The following ESYT2 variants were observed in gnomAD, a reference collection of about 807,000 sequenced individuals.
ESYT2 encodes extended synaptotagmin-2.
Under a neutral mutation model 107.2 loss-of-function variants are expected in ESYT2, and 54 were observed. The ratio of observed to expected loss-of-function variants is 0.50; its 90% CI spans 0.40 to 0.63. The LOEUF (loss-of-function observed/expected upper bound fraction) is 0.63. Among genes scored for constraint, ESYT2 ranks in the 30% least tolerant of loss-of-function variants. The pLI, the probability that ESYT2 is intolerant of heterozygous loss-of-function variation, is 0.00. For missense variants in ESYT2, 1,020 were observed against 1,094.5 expected, an observed-to-expected ratio of 0.93 and a Z score of 0.96; for synonymous variants, 491 against 434.1, an observed-to-expected ratio of 1.13 and a Z score of -1.63.
intron 4 of ESYT2, among the ~76,000 whole-genome samples, chr7:158,791,853 G>C (rs1030431337): frequency 5.3e-5 from 8 of 152,184 alleles, no homozygotes; most frequent in African/African-American, 1.9e-4. Context: ...TATAGGGACT[G>C]CATTAAATCT....
rs144552749 is a variant in ESYT2, at chr7:158,784,823, T to C, written c.747+3181A>G. 1.8e-3 allele frequency among the ~76,000 whole-genome samples: 272 copies of C among 152,312 alleles called. 5 individuals carry two copies. The highest frequency in any genetic ancestry group is 0.014 in the Middle Eastern group (4 of 294). On this transcript the variant is annotated intron_variant, in intron 6 of 22. Coordinates refer to ENST00000275418, the MANE Select transcript of ESYT2 (RefSeq NM_001367773.1). ...ATTTTACAGAGGAAGAAATGGAATC[T>C]GCGGTTCAAAAGATACCAGCAGCCA...
intron 1 of ESYT2, among the ~76,000 whole-genome samples, chr7:158,801,692 A>G (rs77640900): frequency 0.11 from 16,419 of 152,180 alleles, 935 homozygotes; most frequent in African/African-American, 0.13. Context: ...ACAAATTTCA[A>G]TATTTATATT....
intron 4 of ESYT2, among the ~76,000 whole-genome samples, chr7:158,791,882 A>T (rs1839303988): frequency 6.6e-6 from 1 of 152,230 alleles, no homozygotes. Flanking sequence ...TTTAGGTAGT[A>T]GTAACATCTT....
rs1334733377 is a variant in ESYT2 at position 158,787,772 on chromosome 7, A to G, written c.747+232T>C. On this transcript the variant is annotated intron_variant, in intron 6 of 22. Coordinates refer to ENST00000275418, the MANE Select transcript of ESYT2 (RefSeq NM_001367773.1). ...AAGACCCACCCTTCTGAAGAAGTCCATGTTTCCAAATTTTTGTAACATTTT... is the reference window on the plus strand; with the variant it reads ...AAGACCCACCCTTCTGAAGAAGTCCGTGTTTCCAAATTTTTGTAACATTTT... Among the ~76,000 whole-genome samples, 12 of 152,226 alleles carry G rather than the reference A, an allele frequency of 7.9e-5. 1 individual carries two copies. In the East Asian group the frequency reaches 2.3e-3, roughly 29 times the overall value.
At chr7:158,798,899 G>A in intron 2 of ESYT2, 132 bp downstream of exon 2, 2 of 753,454 alleles carry the variant, frequency 2.7e-6, no homozygotes, top group African/African-American at 1.8e-5. Flanking sequence ...AGGTCTTTGG[G>A]GACCAGAAGC....
At chr7:158,826,015 T>G (rs1584893851) in intron 1 of ESYT2, among the ~76,000 whole-genome samples, 1 of 141,740 alleles carries the variant, frequency 7.1e-6, no homozygotes, top group Non-Finnish European at 1.5e-5. Context: ...TAAGAACTCA[T>G]CTCTAGAAAA....
chr7:158,737,114 T>C lies in ESYT2; in HGVS notation c.2333A>G (p.Lys778Arg). The C allele has an allele frequency of 1.2e-6, 2 of 1,614,114 alleles. No individual in the cohort carries two copies. Among genetic ancestry groups the C allele is most frequent in the African/African-American group, 1.3e-5 (1 of 75,054 alleles). The change falls in exon 20 of 23, where the codon AAG (lysine) becomes AGG (arginine). Residue 778 changes from lysine (K) to arginine (R), a missense_variant. Physicochemically the swap from Lys to Arg is conservative, Grantham distance 26. Coordinates refer to ENST00000275418, the MANE Select transcript of ESYT2 (RefSeq NM_001367773.1). ...TGTTTTCCTCCTTCCTGACCGCCTC[T>C]TGTCTGGTAATAAATACATGCGGAC... ...PYVRMYLLPD[K>R]RRSGRRKTHV...
At chr7:158,743,856 TGA>T in intron 16 of ESYT2, 178 bp from the exon 17 acceptor site, 1 of 598,104 alleles carries the variant, frequency 1.7e-6, no homozygotes. Flanking sequence ...TCAGATCACC[TGA>T]GGCCAGGGGT....
At chr7:158,826,192 G>A (rs1840439085) in intron 1 of ESYT2, among the ~76,000 whole-genome samples, 1 of 152,072 alleles carries the variant, frequency 6.6e-6, no homozygotes, top group South Asian at 2.1e-4. Flanking sequence ...GTTTTATTAT[G>A]AAAATAAAGT....
intron 8 of ESYT2, among the ~76,000 whole-genome samples, chr7:158,766,798 G>A (rs1215296352): frequency 2.6e-5 from 4 of 152,152 alleles, no homozygotes; most frequent in South Asian, 2.1e-4. Context: ...ACACCACCAC[G>A]GTGGTAATGC....
At chr7:158,773,737 T>C (rs992358989) in intron 6 of ESYT2, among the ~76,000 whole-genome samples, 1 of 152,244 alleles carries the variant, frequency 6.6e-6, no homozygotes, top group South Asian at 2.1e-4. Flanking sequence ...TGTTCTCATA[T>C]ACATATGCAG....
At chr7:158,743,485 G>A (rs777515731) in intron 17 of ESYT2, 44 bp downstream of exon 17, 13 of 1,563,990 alleles carry the variant, frequency 8.3e-6, no homozygotes, top group African/African-American at 2.8e-5. Flanking sequence ...GCCAGCACCC[G>A]CCTCCCCATC....
rs931489124 is a variant in ESYT2 at position 158,799,068 on chromosome 7, T to C, written c.335A>G (p.His112Arg). The part of the protein sequence containing the change: ...VRACDLPAWV[H>R]FPDTERAEWL... ...TTCTGCTCTTTCAGTGTCTGGAAAA[T>C]GAACCTAGGAGGAAAATACACACAT... The change falls in exon 2 of 23, where the codon CAT (histidine) becomes CGT (arginine). Residue 112 changes from histidine to arginine, a missense_variant. Transcript: ENST00000275418. The C allele has an allele frequency of 6.2e-7, 1 of 1,613,530 alleles. No homozygotes were observed. Among genetic ancestry groups the C allele is most frequent in the African/African-American group, 1.3e-5 (1 of 75,028 alleles).
chr7:158,757,564 G>C (rs1837803077), intron 13 of ESYT2, among the ~76,000 whole-genome samples: 1 of 151,794 alleles, frequency 6.6e-6, no homozygotes, highest in Admixed American at 6.5e-5. Flanking sequence ...CCTTAATCCA[G>C]CGCCAAAGGA....
chr7:158,826,930 C>T (rs1488452926), intron 1 of ESYT2, among the ~76,000 whole-genome samples: 2 of 151,040 alleles, frequency 1.3e-5, no homozygotes, highest in East Asian at 3.9e-4. Context: ...TTGGGGAGGC[C>T]AAGGCAGGCG....
intron 10 of ESYT2, among the ~76,000 whole-genome samples, chr7:158,761,888 G>A (rs842435): frequency 0.81 from 123,526 of 152,152 alleles, 50,919 homozygotes; most frequent in Non-Finnish European, 0.89. Context: ...AAAAATGTTT[G>A]AAAGCATCTC....
intron 3 of ESYT2, among the ~76,000 whole-genome samples, chr7:158,794,219 C>T (rs549260797): frequency 6.6e-6 from 1 of 152,240 alleles, no homozygotes. Flanking sequence ...CACGCCCAGG[C>T]GTGGCCGCTC....
chr7:158,786,556 A>C (rs541468001), intron 6 of ESYT2, among the ~76,000 whole-genome samples: 1 of 152,342 alleles, frequency 6.6e-6, no homozygotes, highest in Non-Finnish European at 1.5e-5. Flanking sequence ...TGTACTTAAA[A>C]TCGATTCAAA....
At chr7:158,811,886 A>G (rs2129473994) in intron 1 of ESYT2, among the ~76,000 whole-genome samples, 1 of 152,358 alleles carries the variant, frequency 6.6e-6, no homozygotes, top group South Asian at 2.1e-4. Context: ...GTCTCTTTCA[A>G]GAGGAATTTG....
Sources: gnomAD v4.1 joint callset for allele counts (sites outside exome capture counted in the v4.1 genomes callset) on GRCh38, gnomAD v4.1.1 for gene constraint, MANE v1.5 for transcripts, NCBI Gene and HGNC (gene_info 2026-07-23, HGNC 2026-07-21) for gene names.